EML6: variants seen among roughly 807,000 people sequenced by gnomAD.
The protein encoded by EML6 is EMAP like 6, also known as echinoderm microtubule-associated protein-like 6.
Under a neutral mutation model 240.1 loss-of-function variants are expected in EML6, and 154 were observed. The observed-to-expected ratio is 0.64, with a 90% CI of 0.56 to 0.73. EML6 has a LOEUF of 0.73. Ranked by LOEUF, EML6 falls within the 30% of genes least tolerant of loss-of-function variation. EML6 has a pLI of 0.00. For missense variants in EML6, 2,964 were observed against 2,474.6 expected, an observed-to-expected ratio of 1.20 and a Z score of -4.20; for synonymous variants, 1,148 against 899.0, an observed-to-expected ratio of 1.28 and a Z score of -4.95.
At position 54,928,460 on chromosome 2, in the gene EML6, G is replaced by A. The variant is rs567962670; in HGVS notation, c.3823G>A (p.Glu1275Lys). 8.4e-6 allele frequency: 13 copies of A among 1,550,298 alleles called. No individual in the cohort carries two copies. In the East Asian group the frequency reaches 2.4e-4, roughly 29 times the overall value. ...GACCAGGGAGTTTGTGGGGACCCAG[G>A]AGAGCAAGCTGGTGGACAGCGAGGA... is the stretch of plus-strand genomic sequence containing the variant. The part of the protein sequence containing the change: ...IWTREFVGTQ[E>K]SKLVDSEESD... Residue 1275 changes from glutamate (E) to lysine (K), a missense_variant, in exon 27 of 42, where the codon GAG becomes AAG. Coordinates refer to ENST00000356458, the MANE Select transcript of EML6 (RefSeq NM_001039753.4).
chr2:54,900,656 G>A (rs949447029), intron 22 of EML6, among the ~76,000 whole-genome samples: 45 of 152,260 alleles, frequency 3.0e-4, no homozygotes, highest in African/African-American at 9.4e-4. Flanking sequence ...TAAATGGCCC[G>A]GCCTCCCTAT....
At chr2:54,773,002 C>A (rs765928869) in intron 2 of EML6, among the ~76,000 whole-genome samples, 2 of 152,212 alleles carry the variant, frequency 1.3e-5, no homozygotes, top group African/African-American at 2.4e-5. Flanking sequence ...GCAACACTGA[C>A]CTTTCCTTCT....
chr2:54,797,187 A>AAAAAAAAAAAAAAAAAC (rs1669859757), intron 2 of EML6, among the ~76,000 whole-genome samples: 1 of 149,476 alleles, frequency 6.7e-6, no homozygotes, highest in Non-Finnish European at 1.5e-5. Context: ...AAAAAAAAAA[A>AAAAAAAAAAAAAAAAAC]AACTGTGATC....
chr2:54,891,791 C>T (rs1447650610), intron 18 of EML6, among the ~76,000 whole-genome samples: 2 of 152,094 alleles, frequency 1.3e-5, no homozygotes, highest in Admixed American at 6.6e-5. Context: ...AAGGTAATGC[C>T]ACCCAGTATG....
intron 24 of EML6, among the ~76,000 whole-genome samples, chr2:54,908,394 T>C (rs1464182377): frequency 2.6e-5 from 4 of 152,088 alleles, no homozygotes; most frequent in Admixed American, 2.0e-4. Flanking sequence ...TCTGTATTTT[T>C]AGTAGATATG....
At chr2:54,797,303 G>A (rs1214968365) in intron 2 of EML6, among the ~76,000 whole-genome samples, 1 of 151,982 alleles carries the variant, frequency 6.6e-6, no homozygotes, top group Non-Finnish European at 1.5e-5. Flanking sequence ...GTAGCAAGGG[G>A]CCAGTATAGA....
intron 13 of EML6, among the ~76,000 whole-genome samples, chr2:54,865,111 CAAT>C (rs1670900283): frequency 6.6e-6 from 1 of 152,128 alleles, no homozygotes; most frequent in Non-Finnish European, 1.5e-5. Context: ...TATCAGGAGA[CAAT>C]AAAATTTAAA....
intron 19 of EML6, among the ~76,000 whole-genome samples, chr2:54,893,608 CTT>C (rs1210187259): frequency 6.6e-6 from 1 of 152,172 alleles, no homozygotes; most frequent in Non-Finnish European, 1.5e-5. Flanking sequence ...TTTTAAAACA[CTT>C]TATTCAATCA....
chr2:54,803,203 C>G (rs1290989946), intron 2 of EML6, among the ~76,000 whole-genome samples: 4 of 152,118 alleles, frequency 2.6e-5, no homozygotes, highest in Non-Finnish European at 5.9e-5. Flanking sequence ...TGTGAGCTGC[C>G]ATAGTGTGGT....
intron 2 of EML6, among the ~76,000 whole-genome samples, chr2:54,772,639 C>G (rs1668446173): frequency 6.6e-6 from 1 of 152,194 alleles, no homozygotes; most frequent in Non-Finnish European, 1.5e-5. Flanking sequence ...TTATTCTACA[C>G]ATAACAGCAG....
chr2:54,854,742 T>G (rs1247792742), intron 11 of EML6, among the ~76,000 whole-genome samples: 1 of 152,228 alleles, frequency 6.6e-6, no homozygotes, highest in Non-Finnish European at 1.5e-5. Context: ...CAAGACACCA[T>G]CACTGAAACA....
In EML6 at chr2:54,906,551, G is replaced by A. The variant is rs568647183; in HGVS notation, c.3409+3049G>A. Among the ~76,000 whole-genome samples the A allele has an allele frequency of 2.6e-5, 4 of 152,278 alleles. No homozygotes were observed. The East Asian group carries it at 5.8e-4, about 22-fold the overall frequency. ...TCCTGGGAATGAGCAGGAGAGGAGTGGAGTCAAAGGTCTTTGAAAAGCCAC... is the reference window on the plus strand; with the variant it reads ...TCCTGGGAATGAGCAGGAGAGGAGTAGAGTCAAAGGTCTTTGAAAAGCCAC... On this transcript the variant is annotated intron_variant, in intron 24 of 41. Coordinates refer to ENST00000356458, the MANE Select transcript of EML6 (RefSeq NM_001039753.4).
In EML6 at chr2:54,903,216, C is replaced by CT. The variant is rs1558668688; in HGVS notation, c.3277+25dup. On this transcript the variant is annotated intron_variant, in intron 23 of 41. Coordinates refer to ENST00000356458, the MANE Select transcript of EML6 (RefSeq NM_001039753.4). ...CAAAAGGTGAAGATGACAGCAGATA[C>CT]TTTTTAAAATAGCACAGTCTTGGGA... The CT allele has an allele frequency of 1.9e-6, 3 of 1,548,986 alleles. No individual in the cohort carries two copies. Among genetic ancestry groups the CT allele is most frequent in the Non-Finnish European group, 2.6e-6 (3 of 1,145,038 alleles).
chr2:54,917,736 T>C (rs1674002338), intron 26 of EML6, among the ~76,000 whole-genome samples: 2 of 152,224 alleles, frequency 1.3e-5, no homozygotes, highest in South Asian at 4.1e-4. Context: ...CCGTCATCTG[T>C]AGTAAGATCA....
chr2:54,919,609 GC>G (rs1181257101), intron 26 of EML6, among the ~76,000 whole-genome samples: 1 of 152,120 alleles, frequency 6.6e-6, no homozygotes, highest in Non-Finnish European at 1.5e-5. Flanking sequence ...GTTCTAAGTA[GC>G]CATTTTCCTT....
intron 4 of EML6, among the ~76,000 whole-genome samples, chr2:54,817,482 T>A (rs1405179292): frequency 3.9e-5 from 6 of 152,186 alleles, no homozygotes; most frequent in Admixed American, 3.9e-4. Context: ...CTCTAAACAA[T>A]GAATTTGCAT....
chr2:54,916,898 AT>A lies in EML6; in HGVS notation c.3642del (p.Phe1214LeufsTer31). 1 of 1,548,026 alleles carries A rather than the reference AT, an allele frequency of 6.5e-7. No individual in the cohort carries two copies. The highest frequency in any genetic ancestry group is 8.7e-7 in the Non-Finnish European group (1 of 1,143,922). On this transcript the variant is annotated frameshift_variant, in exon 26 of 42. Coordinates refer to ENST00000356458, the MANE Select transcript of EML6 (RefSeq NM_001039753.4). LOFTEE classifies it high-confidence loss of function. ...KDCSLLATGD[D>X]FGFVKLFSYP... is the part of the protein sequence containing the mutation. ...TGTTCCCTTTTAGCCACCGGAGATG[AT>A]TTTGGTTTCGTTAAGCTTTTTTCAT... is the stretch of plus-strand genomic sequence containing the variant.
At chr2:54,779,430 C>T (rs1002290228) in intron 2 of EML6, among the ~76,000 whole-genome samples, 11 of 151,702 alleles carry the variant, frequency 7.3e-5, no homozygotes, top group African/African-American at 2.4e-4. Flanking sequence ...CCTGTAATCT[C>T]AGCTACTCTG....
chr2:54,879,905 C>G, intron 17 of EML6: 1 of 410,518 alleles, frequency 2.4e-6, no homozygotes, highest in Non-Finnish European at 4.3e-6. Flanking sequence ...TCTGTGTAAT[C>G]TGTATCAAAG....
Sources: gnomAD v4.1 joint callset for allele counts (sites outside exome capture counted in the v4.1 genomes callset) on GRCh38, gnomAD v4.1.1 for gene constraint, MANE v1.5 for transcripts, NCBI Gene and HGNC (gene_info 2026-07-23, HGNC 2026-07-21) for gene names.